Variants in ZNF709 observed in about 807,000 individuals in gnomAD.
The protein encoded by ZNF709 is zinc finger protein 709.
ZNF709 carries 15 observed loss-of-function variants against 10.6 expected under a neutral mutation model. The ratio of observed to expected loss-of-function variants is 1.41; its 90% confidence interval spans 0.95 to 2.18. The LOEUF (loss-of-function observed/expected upper bound fraction) is 2.18, where lower values mean the gene tolerates loss of function less well. ZNF709 is among the 30% of genes most tolerant of loss of function. The pLI is 0.00. For synonymous variants in ZNF709, 194 were observed against 238.8 expected (o/e 0.81, Z 1.73); for missense variants, 589 against 774.0 (o/e 0.76, Z 2.84).
chr19:12,476,917 G>C (rs1252174548), intron 1 of ZNF709, among the ~76,000 whole-genome samples: 1 of 152,130 alleles, frequency 6.6e-6, no homozygotes, highest in African/African-American at 2.4e-5. Context: ...CTCAGACAAG[G>C]CTGTCATTAA....
At chr19:12,480,142 G>A (rs1970711497) in intron 1 of ZNF709, among the ~76,000 whole-genome samples, 2 of 151,690 alleles carry the variant, frequency 1.3e-5, no homozygotes, top group Non-Finnish European at 2.9e-5. Flanking sequence ...ACAACAGAGC[G>A]AGACCCTGTT....
At position 12,466,851 on chromosome 19, in the gene ZNF709, C is replaced by G. The variant is rs748366903; in HGVS notation, c.4-1G>C. ...CCACATCCTCAAAGACCACTGAGTCCTGAAACATCCCACATGTATAGGGGA... is the reference window on the plus strand; with the variant it reads ...CCACATCCTCAAAGACCACTGAGTCGTGAAACATCCCACATGTATAGGGGA... On this transcript the variant is annotated splice_acceptor_variant, in intron 1 of 3. Coordinates refer to ENST00000397732, the MANE Select transcript of ZNF709 (RefSeq NM_152601.4). LOFTEE classifies it high-confidence loss of function. 1 of 1,613,392 alleles carries G rather than the reference C, an allele frequency of 6.2e-7. No individual in the cohort carries two copies. Among genetic ancestry groups the G allele is most frequent in the Admixed American group, 1.7e-5 (1 of 59,912 alleles).
rs200794151 is a variant in ZNF709, at chr19:12,484,227, C to CA, written c.3+427dup. 6.3e-3 allele frequency among the ~76,000 whole-genome samples: 952 copies of CA among 152,284 alleles called. 8 individuals are homozygous for CA. Among genetic ancestry groups the CA allele is most frequent in the African/African-American group, 0.022 (907 of 41,570 alleles). Reference sequence around the variant, plus strand: ...GTCGTGGGTTTGAGATCTGGCTTCCCATACACTTGGAAACCTTGAGAAACG... The same window carrying CA: ...GTCGTGGGTTTGAGATCTGGCTTCCCAATACACTTGGAAACCTTGAGAAACG... On this transcript the variant is annotated intron_variant, in intron 1 of 3. Coordinates refer to ENST00000397732, the MANE Select transcript of ZNF709 (RefSeq NM_152601.4).
chr19:12,476,657 T>C (rs1970680391), intron 1 of ZNF709, among the ~76,000 whole-genome samples: 1 of 152,156 alleles, frequency 6.6e-6, no homozygotes, highest in Admixed American at 6.6e-5. Flanking sequence ...TTAAGTAAAA[T>C]TTATAAACAA....
In ZNF709 at chr19:12,464,140, G is replaced by C; in HGVS notation, c.1782C>G (p.Asp594Glu). ...AGGAACGTGAGCAACTGAAGGCTTT[G>C]TCACATTGTTTACATTCATAGGGTT... ...GVKPYECKQCDKAFSCSRSFR... is the reference protein window; with the variant it reads ...GVKPYECKQCEKAFSCSRSFR... Residue 594 changes from aspartate to glutamate, a missense_variant, in exon 4 of 4, where the codon GAC (aspartate) becomes GAG (glutamate). Coordinates refer to ENST00000397732, the MANE Select transcript of ZNF709 (RefSeq NM_152601.4). 6.5e-7 allele frequency: 1 copy of C among 1,550,014 alleles called. No homozygotes were observed. Among genetic ancestry groups the C allele is most frequent in the Non-Finnish European group, 8.7e-7 (1 of 1,153,636 alleles).
At position 12,484,722 on chromosome 19, in the gene ZNF709, T is replaced by C; in HGVS notation, c.-65A>G. The C allele has an allele frequency of 6.2e-7, 1 of 1,610,710 alleles. No individual in the cohort carries two copies. The highest frequency in any genetic ancestry group is 8.5e-7 in the Non-Finnish European group (1 of 1,177,356). The stretch of plus-strand genomic sequence containing the variant: ...TCCCGCGGCCAGCACAGGTCCTACC[T>C]CCACCTGAGGCCCTTCCTCCACCTG... On this transcript the variant is annotated 5_prime_UTR_variant, in exon 1 of 4. Coordinates refer to ENST00000397732, the MANE Select transcript of ZNF709 (RefSeq NM_152601.4).
chr19:12,482,105 C>T (rs931744023), intron 1 of ZNF709, among the ~76,000 whole-genome samples: 2 of 150,576 alleles, frequency 1.3e-5, no homozygotes, highest in Non-Finnish European at 3.0e-5. Flanking sequence ...TTGAGACCAG[C>T]CTGGCCAACA....
rs915591520 is a variant in ZNF709 at position 12,463,947 on chromosome 19, A to C, written c.*49T>G. 2.2e-4 allele frequency: 265 copies of C among 1,216,092 alleles called. No homozygotes were observed. Among genetic ancestry groups the C allele is most frequent in the Non-Finnish European group, 2.8e-4 (262 of 919,314 alleles). 75.3% of individuals were successfully genotyped at this position (1,216,092 alleles called of 1,614,324 possible). A position where few individuals can be genotyped will look rare whatever the true frequency, so the allele number is the denominator to read the frequency against. ...AACTCAAAAAAAAAAAAAAAAAAAA[A>C]GGAAATAGGACAACTGAAAACTTTG... On this transcript the variant is annotated 3_prime_UTR_variant, in exon 4 of 4. Transcript: ENST00000397732.
intron 1 of ZNF709, among the ~76,000 whole-genome samples, chr19:12,476,402 AAAAGT>A (rs1163342984): frequency 6.6e-6 from 1 of 152,092 alleles, no homozygotes; most frequent in Non-Finnish European, 1.5e-5. Context: ...AAAAAAAAAA[AAAAGT>A]AAAGTTATAG....
At chr19:12,467,465 T>G (rs1200796931) in intron 1 of ZNF709, among the ~76,000 whole-genome samples, 1 of 152,176 alleles carries the variant, frequency 6.6e-6, no homozygotes, top group African/African-American at 2.4e-5. Context: ...CAGGCTGGAG[T>G]GCAGTGGCGT....
intron 1 of ZNF709, among the ~76,000 whole-genome samples, chr19:12,481,741 A>C (rs576752337): frequency 1.3e-5 from 2 of 152,158 alleles, no homozygotes; most frequent in South Asian, 4.1e-4. Context: ...CACAGTGAGG[A>C]TCTACAAAAA....
intron 1 of ZNF709, among the ~76,000 whole-genome samples, chr19:12,484,025 A>C (rs1311090148): frequency 6.6e-6 from 1 of 152,178 alleles, no homozygotes; most frequent in Non-Finnish European, 1.5e-5. Context: ...CCCAAAGCAT[A>C]CGTTAAATCT....
chr19:12,467,139 C>T (rs1426925125), intron 1 of ZNF709, among the ~76,000 whole-genome samples: 2 of 152,170 alleles, frequency 1.3e-5, no homozygotes, highest in Non-Finnish European at 2.9e-5. Flanking sequence ...TCTCCCTCTC[C>T]CCACGGTCTC....
At chr19:12,481,212 T>TA in intron 1 of ZNF709, 1 of 982,962 alleles carries the variant, frequency 1.0e-6, no homozygotes, top group African/African-American at 1.7e-5. Flanking sequence ...GAAACAAATA[T>TA]TCTGTTTGGT....
chr19:12,470,119 G>A (rs1970622254), intron 1 of ZNF709, among the ~76,000 whole-genome samples: 1 of 152,090 alleles, frequency 6.6e-6, no homozygotes, highest in Admixed American at 6.6e-5. Context: ...TCCTCCCAAC[G>A]TCTCTCATTT....
At chr19:12,479,685 A>G (rs373290101) in intron 1 of ZNF709, among the ~76,000 whole-genome samples, 19 of 152,120 alleles carry the variant, frequency 1.2e-4, no homozygotes, top group African/African-American at 4.6e-4. Context: ...CCTGGCCAAC[A>G]TGGTGAAACC....
Position 12,465,395 on chromosome 19 carries a change from G to A in ZNF709, c.527C>T (p.Ala176Val), listed in dbSNP as rs777657184. The change falls in exon 4 of 4, where the codon GCT becomes GTT. Residue 176 changes from alanine (A) to valine (V), a missense_variant. Transcript: ENST00000397732. The stretch of plus-strand genomic sequence containing the variant: ...TTGAAAGGAACTGGGCCAACTGAAA[G>A]CCTTACCACACTGTTTACATTTATA... ...KPYKCKQCGK[A>V]FSWPSSFQIH... The A allele has an allele frequency of 1.2e-6, 2 of 1,613,810 alleles. No homozygotes were observed. The highest frequency in any genetic ancestry group is 2.2e-5 in the East Asian group (1 of 44,874).
intron 1 of ZNF709, among the ~76,000 whole-genome samples, chr19:12,471,564 G>T (rs1455330931): frequency 6.6e-6 from 1 of 152,108 alleles, no homozygotes; most frequent in Non-Finnish European, 1.5e-5. Context: ...TATGTATCAA[G>T]GATTTTCAAA....
At chr19:12,480,117 T>C (rs1264747417) in intron 1 of ZNF709, among the ~76,000 whole-genome samples, 4 of 151,968 alleles carry the variant, frequency 2.6e-5, no homozygotes, top group Non-Finnish European at 5.9e-5. Flanking sequence ...ATTGTGCCAC[T>C]GTACTCTAAC....
Sources: gnomAD v4.1 joint callset for allele counts (sites outside exome capture counted in the v4.1 genomes callset) on GRCh38, gnomAD v4.1.1 for gene constraint, MANE v1.5 for transcripts, NCBI Gene and HGNC (gene_info 2026-07-23, HGNC 2026-07-21) for gene names.